Variants in TMTC2 observed in about 807,000 individuals in gnomAD.
TMTC2 encodes the protein transmembrane O-mannosyltransferase targeting cadherins 2, also known as protein O-mannosyl-transferase TMTC2.
A neutral mutation model predicts 82.4 loss-of-function variants in TMTC2; 43 were observed. The ratio of observed to expected loss-of-function variants is 0.52; its 90% confidence interval spans 0.41 to 0.67. The LOEUF is 0.67. Ranked by LOEUF, TMTC2 falls within the 30% of genes least tolerant of loss-of-function variation. TMTC2 has a pLI of 0.00. For missense variants in TMTC2, 919 were observed against 1,012.4 expected, an observed-to-expected ratio of 0.91 and a Z score of 1.25; for synonymous variants, 408 against 381.9, an observed-to-expected ratio of 1.07 and a Z score of -0.80.
At chr12:82,866,306 T>C (rs1295257242) in intron 2 of TMTC2, among the ~76,000 whole-genome samples, 1 of 151,796 alleles carries the variant, frequency 6.6e-6, no homozygotes, top group South Asian at 2.1e-4. Context: ...CCAACCTTGA[T>C]GAACAATGTT....
chr12:82,726,683 A>T (rs953281847), intron 1 of TMTC2, among the ~76,000 whole-genome samples: 3 of 152,196 alleles, frequency 2.0e-5, no homozygotes, highest in African/African-American at 7.2e-5. Flanking sequence ...GATAGAGACC[A>T]TCCTGGCTAA....
At chr12:82,926,598 C>A (rs1349864417) in intron 3 of TMTC2, among the ~76,000 whole-genome samples, 1 of 152,118 alleles carries the variant, frequency 6.6e-6, no homozygotes, top group Non-Finnish European at 1.5e-5. Flanking sequence ...TCAGTGTATA[C>A]AAAACAGATT....
At chr12:82,921,055 T>A (rs1875359939) in intron 3 of TMTC2, among the ~76,000 whole-genome samples, 1 of 152,184 alleles carries the variant, frequency 6.6e-6, no homozygotes, top group Non-Finnish European at 1.5e-5. Flanking sequence ...GAAATATGGA[T>A]ACCAGATAGT....
intron 1 of TMTC2, among the ~76,000 whole-genome samples, chr12:82,813,479 T>C (rs1017387093): frequency 6.6e-6 from 1 of 152,110 alleles, no homozygotes; most frequent in Non-Finnish European, 1.5e-5. Context: ...TTATTTGGCC[T>C]TCTTTCTAAA....
intron 7 of TMTC2, among the ~76,000 whole-genome samples, chr12:82,978,458 G>A (rs1305670964): frequency 6.6e-6 from 1 of 151,442 alleles, no homozygotes; most frequent in African/African-American, 2.4e-5. Context: ...ATACTATTTT[G>A]GTATATATGT....
At position 82,966,980 on chromosome 12, in the gene TMTC2, G is replaced by C; in HGVS notation, c.1931G>C (p.Ser644Thr). 1 of 1,613,036 alleles carries C rather than the reference G, an allele frequency of 6.2e-7. No homozygotes were observed. Among genetic ancestry groups the C allele is most frequent in the Non-Finnish European group, 8.5e-7 (1 of 1,179,268 alleles). ...QKMPRQFAPQ[S>T]LYNMMGEAYM... ...ATGCCAAGGCAGTTTGCCCCACAGA[G>C]CTTGTACAACATGATGGGTAAGTAA... is the stretch of plus-strand genomic sequence containing the variant. The change falls in exon 7 of 12, where the codon AGC becomes ACC. Residue 644 changes from serine to threonine, a missense_variant. By Grantham distance (58) the Ser-to-Thr change is moderately conservative. Transcript: ENST00000321196.
At chr12:82,830,132 G>A (rs762851222) in intron 1 of TMTC2, among the ~76,000 whole-genome samples, 1 of 151,024 alleles carries the variant, frequency 6.6e-6, no homozygotes, top group Non-Finnish European at 1.5e-5. Context: ...GCAAGCTTAC[G>A]TTTTTTTTTC....
In TMTC2 at chr12:83,061,782, A is replaced by G. The variant is rs773454299; in HGVS notation, c.2282A>G (p.Asn761Ser). Residue 761 changes from asparagine (N) to serine (S), a missense_variant, in exon 11 of 12, where the codon AAT becomes AGT. By Grantham distance (46) the Asn-to-Ser change is conservative. Coordinates refer to ENST00000321196, the MANE Select transcript of TMTC2 (RefSeq NM_152588.3). ...AAHMLRQASL[N>S]EAAEKYYDLA... The stretch of plus-strand genomic sequence containing the variant: ...TTCTTTTACAGACAGGCTAGCCTCA[A>G]TGAAGCAGCTGAGAAGTATTATGAT... The G allele has an allele frequency of 2.1e-5, 34 of 1,596,730 alleles. 1 individual carries two copies. Among genetic ancestry groups the G allele is most frequent in the African/African-American group, 1.6e-4 (12 of 74,040 alleles).
intron 2 of TMTC2, among the ~76,000 whole-genome samples, chr12:82,867,925 G>A (rs1668650768): frequency 6.6e-6 from 1 of 152,184 alleles, no homozygotes; most frequent in African/African-American, 2.4e-5. Context: ...ACGCAGAGAT[G>A]CTTATAAGTC....
intron 4 of TMTC2, among the ~76,000 whole-genome samples, chr12:82,960,683 G>T (rs2137294706): frequency 6.6e-6 from 1 of 151,982 alleles, no homozygotes; most frequent in South Asian, 2.1e-4. Context: ...TAACTAAGTG[G>T]TACTATGCTC....
At chr12:82,937,929 T>TTA (rs1876490256) in intron 4 of TMTC2, among the ~76,000 whole-genome samples, 3 of 85,954 alleles carry the variant, frequency 3.5e-5, no homozygotes, top group African/African-American at 6.1e-5. Context: ...TTTATTTTTT[T>TTA]TTTTTGAGAC....
chr12:82,991,039 A>C (rs1879377219), intron 8 of TMTC2, among the ~76,000 whole-genome samples: 1 of 152,164 alleles, frequency 6.6e-6, no homozygotes, highest in Non-Finnish European at 1.5e-5. Context: ...TGTGCTTGAC[A>C]TGTGATATTT....
At chr12:82,852,179 G>A (rs1871011677) in intron 1 of TMTC2, among the ~76,000 whole-genome samples, 1 of 150,564 alleles carries the variant, frequency 6.6e-6, no homozygotes, top group East Asian at 2.0e-4. Context: ...TCAGCTCAGT[G>A]CAAGCTCCGC....
At chr12:82,953,986 TAAACA>T (rs1877482824) in intron 4 of TMTC2, among the ~76,000 whole-genome samples, 1 of 152,232 alleles carries the variant, frequency 6.6e-6, no homozygotes, top group South Asian at 2.1e-4. Context: ...TCATTGCCTA[TAAACA>T]TTGTTATCTG....
intron 1 of TMTC2, among the ~76,000 whole-genome samples, chr12:82,729,868 G>T (rs1874682305): frequency 1.3e-5 from 2 of 152,132 alleles, no homozygotes; most frequent in African/African-American, 4.8e-5. Context: ...CATGGCGAAG[G>T]TCTGCAGCTT....
intron 7 of TMTC2, among the ~76,000 whole-genome samples, chr12:82,983,969 G>A (rs994862697): frequency 6.6e-6 from 1 of 151,856 alleles, no homozygotes; most frequent in Non-Finnish European, 1.5e-5. Context: ...TTAGTTCAAT[G>A]TGGCAAGAAA....
At chr12:82,821,736 C>T (rs115902276) in intron 1 of TMTC2, among the ~76,000 whole-genome samples, 2,783 of 151,774 alleles carry the variant, frequency 0.018, 79 homozygotes, top group African/African-American at 0.063. Flanking sequence ...TAGCCGGGCA[C>T]GGTAACACGT....
At chr12:82,722,334 C>A (rs1194797656) in intron 1 of TMTC2, among the ~76,000 whole-genome samples, 8 of 146,024 alleles carry the variant, frequency 5.5e-5, no homozygotes, top group Non-Finnish European at 1.0e-4. Context: ...GTGGGCGGGT[C>A]ATGAGGTCAG....
intron 4 of TMTC2, among the ~76,000 whole-genome samples, chr12:82,937,416 C>A (rs1009664977): frequency 6.6e-6 from 1 of 152,122 alleles, no homozygotes; most frequent in Non-Finnish European, 1.5e-5. Context: ...CTTAAAAGGA[C>A]ATCAGTCATA....
Sources: gnomAD v4.1 joint callset for allele counts (sites outside exome capture counted in the v4.1 genomes callset) on GRCh38, gnomAD v4.1.1 for gene constraint, MANE v1.5 for transcripts, NCBI Gene and HGNC (gene_info 2026-07-23, HGNC 2026-07-21) for gene names.